The following QRSL1 variants were observed in gnomAD, a reference collection of about 807,000 sequenced individuals.
QRSL1 encodes glutamyl-tRNA(Gln) amidotransferase subunit A, mitochondrial.
A neutral mutation model predicts 61.6 loss-of-function variants in QRSL1; 54 were observed. That is an observed-to-expected ratio of 0.88 (90% CI 0.70 to 1.10). QRSL1 has a LOEUF of 1.10. Among genes scored for constraint, QRSL1 ranks in the 50% least tolerant of loss-of-function variants. QRSL1 has a pLI of 0.00. For synonymous variants in QRSL1, 228 were observed against 225.7 expected (o/e 1.01, Z -0.09); for missense variants, 505 against 622.6 (o/e 0.81, Z 2.01).
intron 4 of QRSL1, 133 bp from the exon 5 acceptor site, chr6:106,648,892 C>A: frequency 2.4e-6 from 2 of 837,718 alleles, no homozygotes; most frequent in South Asian, 2.5e-5. Context: ...AGGCTTCCCA[C>A]CTTTTTCAAT....
intron 4 of QRSL1, among the ~76,000 whole-genome samples, chr6:106,647,085 C>A (rs535767044): frequency 1.9e-3 from 286 of 147,568 alleles, no homozygotes; most frequent in Non-Finnish European, 3.4e-3. Context: ...TTAAGAACTT[C>A]TGTACTTTGA....
At chr6:106,651,855 G>A (rs1777191762) in intron 5 of QRSL1, among the ~76,000 whole-genome samples, 1 of 152,088 alleles carries the variant, frequency 6.6e-6, no homozygotes, top group Non-Finnish European at 1.5e-5. Context: ...GAATTTATAT[G>A]ATGGAATATT....
At chr6:106,654,118 G>A (rs1031284446) in intron 7 of QRSL1, among the ~76,000 whole-genome samples, 12 of 152,156 alleles carry the variant, frequency 7.9e-5, no homozygotes, top group East Asian at 3.9e-4. Context: ...TTGGGAGGCC[G>A]AGGCGGGCAG....
Position 106,655,607 on chromosome 6 carries a change from G to GTCACAGGTTTACCCTTTTC in QRSL1, c.1043-7_1043-6insCACAGGTTTACCCTTTTCT. Reference sequence around the variant, plus strand: ...TTCAAGTAATGTTTACCCTTTTCTTGTTTTCAGGTCACAGATGTGACATTG... The same window carrying GTCACAGGTTTACCCTTTTC: ...TTCAAGTAATGTTTACCCTTTTCTTGTCACAGGTTTACCCTTTTCTTTTCAGGTCACAGATGTGACATTG... On this transcript the variant is annotated splice_region_variant and splice_polypyrimidine_tract_variant and intron_variant, in intron 8 of 10. Coordinates refer to ENST00000369046, the MANE Select transcript of QRSL1 (RefSeq NM_018292.5). The GTCACAGGTTTACCCTTTTC allele has an allele frequency of 6.4e-7, 1 of 1,571,132 alleles. No homozygotes were observed. The highest frequency in any genetic ancestry group is 1.7e-5 in the Admixed American group (1 of 58,628).
In QRSL1 at chr6:106,640,404, GTC is replaced by G. The variant is rs771469514; in HGVS notation, c.88_89del (p.Leu30TyrfsTer23). The G allele has an allele frequency of 4.3e-5, 69 of 1,612,634 alleles. No homozygotes were observed. Among genetic ancestry groups the G allele is most frequent in the Non-Finnish European group, 5.8e-5 (68 of 1,179,076 alleles). ...ACACCAACAGAGCTCTGTCAAAAAT[GTC>G]TCTCTCTTATCAAGAAGACCAAGTT... On this transcript the variant is annotated frameshift_variant, in exon 2 of 11. Coordinates refer to ENST00000369046, the MANE Select transcript of QRSL1 (RefSeq NM_018292.5). LOFTEE classifies it high-confidence loss of function.
intron 3 of QRSL1, among the ~76,000 whole-genome samples, chr6:106,641,598 C>T (rs12527773): frequency 0.032 from 4,942 of 152,204 alleles, 274 homozygotes; most frequent in East Asian, 0.19. Flanking sequence ...GAGTACTAGA[C>T]GCTAAAAATA....
intron 9 of QRSL1, among the ~76,000 whole-genome samples, chr6:106,659,132 T>C (rs1440300831): frequency 6.6e-6 from 1 of 152,170 alleles, no homozygotes; most frequent in Non-Finnish European, 1.5e-5. Flanking sequence ...CTTCAATTTC[T>C]TCATTATTTT....
At chr6:106,644,711 G>A (rs1777080311) in intron 4 of QRSL1, among the ~76,000 whole-genome samples, 1 of 151,980 alleles carries the variant, frequency 6.6e-6, no homozygotes. Flanking sequence ...GTAGAGATGG[G>A]GTTTCACCGC....
intron 7 of QRSL1, among the ~76,000 whole-genome samples, chr6:106,654,271 AC>A (rs1259495062): frequency 6.6e-6 from 1 of 151,920 alleles, no homozygotes. Context: ...AATGGCGTGA[AC>A]CCAGGAGGCG....
chr6:106,655,273 G>C (rs1017756994), intron 8 of QRSL1, among the ~76,000 whole-genome samples: 1 of 152,026 alleles, frequency 6.6e-6, no homozygotes, highest in African/African-American at 2.4e-5. Flanking sequence ...CTCTCTCCAT[G>C]ACCAGTCCAT....
chr6:106,656,520 T>C (rs1201836815), intron 9 of QRSL1, among the ~76,000 whole-genome samples: 1 of 152,242 alleles, frequency 6.6e-6, no homozygotes, highest in Non-Finnish European at 1.5e-5. Flanking sequence ...TACCACCAAG[T>C]GTGTCTAAGA....
In QRSL1 at chr6:106,662,994, A is replaced by G. The variant is rs1294623969; in HGVS notation, c.1175A>G (p.Tyr392Cys). The stretch of plus-strand genomic sequence containing the variant: ...TTTTCCCACAGAAACTATGAAAATT[A>G]TTTTGTCAAAGCACAGAAAGTGAGA... ...FFLLKENYENYFVKAQKVRRL... is the reference protein window; with the variant it reads ...FFLLKENYENCFVKAQKVRRL... The change falls in exon 10 of 11, where the codon TAT becomes TGT. Residue 392 changes from tyrosine (Y) to cysteine (C), a missense_variant. Tyr to Cys is a radical substitution (Grantham distance 194). Transcript: ENST00000369046. 2 of 1,608,872 alleles carry G rather than the reference A, an allele frequency of 1.2e-6. No homozygotes were observed. Among genetic ancestry groups the G allele is most frequent in the East Asian group, 2.2e-5 (1 of 44,868 alleles).
intron 8 of QRSL1, among the ~76,000 whole-genome samples, chr6:106,655,141 C>T (rs1284989513): frequency 6.6e-6 from 1 of 152,160 alleles, no homozygotes; most frequent in African/African-American, 2.4e-5. Flanking sequence ...GTGAATAACT[C>T]GAAGGGATAG....
intron 9 of QRSL1, 135 bp from the exon 10 acceptor site, chr6:106,662,845 A>C (rs1287868339): frequency 1.3e-6 from 1 of 759,130 alleles, no homozygotes; most frequent in East Asian, 2.7e-5. Flanking sequence ...AATGGGCATT[A>C]CACAGGCAAG....
intron 7 of QRSL1, among the ~76,000 whole-genome samples, chr6:106,654,363 A>AG (rs1777233784): frequency 6.6e-6 from 1 of 152,104 alleles, no homozygotes; most frequent in Non-Finnish European, 1.5e-5. Context: ...AAAAAAAAAA[A>AG]GAAAATCATC....
rs190826747 is a variant in QRSL1, at chr6:106,667,464, T to C, written c.*1462T>C. On this transcript the variant is annotated 3_prime_UTR_variant, in exon 11 of 11. Transcript: ENST00000369046. Reference sequence around the variant, plus strand: ...ATTGTCATCTCATATTGATCAGGTATTTTAATCTAGCACTTACATATTGTT... The same window carrying C: ...ATTGTCATCTCATATTGATCAGGTACTTTAATCTAGCACTTACATATTGTT... The C allele has an allele frequency of 1.9e-4, 29 of 152,358 alleles. No homozygotes were observed. Among genetic ancestry groups the C allele is most frequent in the African/African-American group, 7.0e-4 (29 of 41,582 alleles). The allele number at this position is 152,358 out of a possible 1,614,324, so 9.4% of individuals were successfully genotyped here. A position where few individuals can be genotyped will look rare whatever the true frequency, so the allele number is the denominator to read the frequency against.
At chr6:106,631,124 G>T (rs1776819926) in intron 1 of QRSL1, among the ~76,000 whole-genome samples, 1 of 152,088 alleles carries the variant, frequency 6.6e-6, no homozygotes, top group African/African-American at 2.4e-5. Flanking sequence ...TACTCGGGAG[G>T]CTGAGGCAGG....
At chr6:106,662,525 C>T (rs895639189) in intron 9 of QRSL1, among the ~76,000 whole-genome samples, 2 of 146,104 alleles carry the variant, frequency 1.4e-5, no homozygotes, top group Non-Finnish European at 3.0e-5. Context: ...TGCCTAAACT[C>T]TTTATTTAAC....
At chr6:106,663,704 A>C (rs920720499) in intron 10 of QRSL1, among the ~76,000 whole-genome samples, 1 of 152,200 alleles carries the variant, frequency 6.6e-6, no homozygotes, top group Non-Finnish European at 1.5e-5. Context: ...TGGGGATTAC[A>C]ATTCAACATG....
Sources: gnomAD v4.1 joint callset for allele counts (sites outside exome capture counted in the v4.1 genomes callset) on GRCh38, gnomAD v4.1.1 for gene constraint, MANE v1.5 for transcripts, NCBI Gene and HGNC (gene_info 2026-07-23, HGNC 2026-07-21) for gene names.